NEK10: variants seen among roughly 807,000 people sequenced by gnomAD.
The protein encoded by NEK10 is NIMA related kinase 10, also known as serine/threonine-protein kinase Nek10.
A neutral mutation model predicts 159.8 loss-of-function variants in NEK10; 122 were observed. That is an observed-to-expected ratio of 0.76 (90% CI 0.66 to 0.89). The LOEUF (loss-of-function observed/expected upper bound fraction) is 0.89, where lower values mean the gene tolerates loss of function less well. Ranked by LOEUF, NEK10 falls within the 40% of genes least tolerant of loss-of-function variation. The pLI is 0.00. For synonymous variants in NEK10, 466 were observed against 457.1 expected (o/e 1.02, Z -0.25); for missense variants, 1,342 against 1,323.1 (o/e 1.01, Z -0.22).
At chr3:27,340,036 T>C (rs1030349648) in intron 5 of NEK10, among the ~76,000 whole-genome samples, 1 of 152,172 alleles carries the variant, frequency 6.6e-6, no homozygotes, top group Non-Finnish European at 1.5e-5. Flanking sequence ...TAAATCATGC[T>C]ACTATAAAGA....
intron 3 of NEK10, among the ~76,000 whole-genome samples, chr3:27,348,458 G>A (rs2047726290): frequency 6.6e-6 from 1 of 152,158 alleles, no homozygotes. Context: ...CTAATAGTAG[G>A]CACCTTGAAG....
rs1350012657 is a variant in NEK10 at position 27,116,802 on chromosome 3, A to T, written c.3191-675T>A. ...AGCATGTGCCACCATGGCTGGCCAG[A>T]TTTTTTTTTTTAATTTAATTTAATT... On this transcript the variant is annotated intron_variant, in intron 33 of 35. Coordinates refer to ENST00000691995, the MANE Select transcript of NEK10 (RefSeq NM_001394966.1). 2.7e-5 allele frequency among the ~76,000 whole-genome samples: 4 copies of T among 147,858 alleles called. No homozygotes were observed. In the Admixed American group the frequency reaches 2.7e-4, roughly 10 times the overall value.
rs2042999017 is a variant in NEK10 at position 27,291,568 on chromosome 3, C to G, written c.1392G>C (p.Leu464Phe). 2 of 1,601,808 alleles carry G rather than the reference C, an allele frequency of 1.2e-6. No homozygotes were observed. The highest frequency in any genetic ancestry group is 1.7e-6 in the Non-Finnish European group (2 of 1,168,818). The change falls in exon 17 of 36, where the codon TTG becomes TTC. Residue 464 changes from leucine (L) to phenylalanine (F), a missense_variant. Transcript: ENST00000691995. ...GCCCTATGTCAATGAAGATCTCAAA[C>G]AAGTCTGTGGGGAAAAGTCTACAGA... Reference protein sequence around the residue: ...PLFKRLFPTDLFEIFIDIGHY... With the variant: ...PLFKRLFPTDFFEIFIDIGHY...
chr3:27,180,786 C>T (rs961119507), intron 26 of NEK10, among the ~76,000 whole-genome samples: 2 of 151,956 alleles, frequency 1.3e-5, no homozygotes, highest in Non-Finnish European at 2.9e-5. Context: ...TTTTGCTTGG[C>T]CCACTGCAAT....
At chr3:27,128,957 G>C (rs565101359) in intron 32 of NEK10, among the ~76,000 whole-genome samples, 1 of 152,088 alleles carries the variant, frequency 6.6e-6, no homozygotes, top group African/African-American at 2.4e-5. Flanking sequence ...GAAAATATTA[G>C]GAAATGTGTA....
At position 27,192,254 on chromosome 3, in the gene NEK10, T is replaced by A; in HGVS notation, c.2292-12A>T. On this transcript the variant is annotated splice_polypyrimidine_tract_variant and intron_variant, in intron 25 of 35. Transcript: ENST00000691995. Reference sequence around the variant, plus strand: ...CAGGAGTGAGGCACCTAAGATAACATGAGATAATTATAACACTCTGGTCAA... The same window carrying A: ...CAGGAGTGAGGCACCTAAGATAACAAGAGATAATTATAACACTCTGGTCAA... 2 of 1,603,078 alleles carry A rather than the reference T, an allele frequency of 1.2e-6. No individual in the cohort carries two copies. The highest frequency in any genetic ancestry group is 1.7e-6 in the Non-Finnish European group (2 of 1,170,194).
chr3:27,234,916 C>A (rs1336951238), intron 23 of NEK10, among the ~76,000 whole-genome samples: 1 of 152,116 alleles, frequency 6.6e-6, no homozygotes, highest in Non-Finnish European at 1.5e-5. Flanking sequence ...CAAGAACAGA[C>A]ACATAGACCA....
intron 11 of NEK10, among the ~76,000 whole-genome samples, chr3:27,305,294 G>C (rs1010584469): frequency 1.3e-5 from 2 of 152,142 alleles, no homozygotes; most frequent in African/African-American, 4.8e-5. Context: ...TTAGACTGTA[G>C]GTCATAGTTT....
chr3:27,264,570 A>C (rs1283405974), intron 22 of NEK10, among the ~76,000 whole-genome samples: 1 of 152,194 alleles, frequency 6.6e-6, no homozygotes, highest in East Asian at 1.9e-4. Flanking sequence ...ATGCACATAT[A>C]GCCCCTGAAT....
At chr3:27,292,784 A>AG (rs927699393) in intron 16 of NEK10, among the ~76,000 whole-genome samples, 3 of 151,842 alleles carry the variant, frequency 2.0e-5, no homozygotes, top group African/African-American at 4.8e-5. Context: ...AAAAAAAAAA[A>AG]AGAGAACTAA....
intron 23 of NEK10, among the ~76,000 whole-genome samples, chr3:27,228,458 T>C (rs976916339): frequency 6.6e-6 from 1 of 152,182 alleles, no homozygotes; most frequent in Non-Finnish European, 1.5e-5. Flanking sequence ...AGCTAGATGC[T>C]GTTGTTTTCT....
rs111914359 is a variant in NEK10 at position 27,132,124 on chromosome 3, A to C, written c.2971-134T>G. ...TATGTAAGAATTTAAATTTTACTGC[A>C]AATAGCATGACTAGATGCTATAATT... On this transcript the variant is annotated intron_variant, in intron 31 of 35. Coordinates refer to ENST00000691995, the MANE Select transcript of NEK10 (RefSeq NM_001394966.1). 3 of 429,576 alleles carry C rather than the reference A, an allele frequency of 7.0e-6. No homozygotes were observed. The East Asian group carries it at 1.0e-4, about 15-fold the overall frequency. 26.6% of individuals were successfully genotyped at this position (429,576 alleles called of 1,614,324 possible).
At chr3:27,307,814 A>G (rs764901224) in intron 11 of NEK10, 45 bp downstream of exon 11, 1 of 879,652 alleles carries the variant, frequency 1.1e-6, no homozygotes, top group Admixed American at 1.8e-5. Context: ...TGTATCTGTC[A>G]AATAAAGGCA....
At chr3:27,302,646 T>C (rs2043919219) in intron 12 of NEK10, among the ~76,000 whole-genome samples, 1 of 152,242 alleles carries the variant, frequency 6.6e-6, no homozygotes, top group South Asian at 2.1e-4. Context: ...CCTTTTGTTT[T>C]ACATAGTTAC....
At chr3:27,278,196 A>G (rs1445763176) in intron 22 of NEK10, among the ~76,000 whole-genome samples, 2 of 152,202 alleles carry the variant, frequency 1.3e-5, no homozygotes, top group Non-Finnish European at 2.9e-5. Flanking sequence ...GTATTTTGCC[A>G]CTGTTTTAAG....
intron 23 of NEK10, chr3:27,215,646 A>C (rs1951436179): frequency 3.7e-6 from 2 of 542,238 alleles, no homozygotes; most frequent in Admixed American, 6.2e-5. Flanking sequence ...TCACATTTAA[A>C]GAGTGTATGA....
chr3:27,262,605 T>C (rs1460746374), intron 22 of NEK10, among the ~76,000 whole-genome samples: 1 of 152,244 alleles, frequency 6.6e-6, no homozygotes, highest in Non-Finnish European at 1.5e-5. Flanking sequence ...CTGATACCTT[T>C]TCTTCCAGTT....
intron 26 of NEK10, among the ~76,000 whole-genome samples, chr3:27,185,800 G>C (rs564370084): frequency 6.6e-6 from 1 of 152,286 alleles, no homozygotes; most frequent in Non-Finnish European, 1.5e-5. Flanking sequence ...CTAGTGGACA[G>C]TGCAGAGGTG....
At chr3:27,153,319 C>CAAAAA (rs34333130) in intron 30 of NEK10, among the ~76,000 whole-genome samples, 2 of 90,658 alleles carry the variant, frequency 2.2e-5, no homozygotes, top group African/African-American at 4.3e-5. Context: ...GACTCCATCT[C>CAAAAA]AAAAAAAAAA....
Sources: allele counts gnomAD v4.1 joint callset (sites outside exome capture counted in the v4.1 genomes callset), GRCh38; gene constraint gnomAD v4.1.1; transcripts MANE v1.5; gene names NCBI Gene and HGNC (gene_info 2026-07-23, HGNC 2026-07-21).